Variants in TMEM181 observed in about 807,000 individuals in gnomAD.
The protein encoded by TMEM181 is G protein-coupled receptor 178.
TMEM181 carries 39 observed loss-of-function variants against 71.9 expected under a neutral mutation model. The ratio of observed to expected loss-of-function variants is 0.54; its 90% CI spans 0.42 to 0.71. The LOEUF is 0.71. Ranked by LOEUF, TMEM181 falls within the 30% of genes least tolerant of loss-of-function variation. The pLI is 0.00. For missense variants in TMEM181, 595 were observed against 583.0 expected, an observed-to-expected ratio of 1.02 and a Z score of -0.21; for synonymous variants, 245 against 228.8, an observed-to-expected ratio of 1.07 and a Z score of -0.64.
intron 1 of TMEM181, among the ~76,000 whole-genome samples, chr6:158,545,913 C>T (rs1238298475): frequency 6.6e-6 from 1 of 152,186 alleles, no homozygotes; most frequent in African/African-American, 2.4e-5. Flanking sequence ...TGGTGGAGTA[C>T]ATCCAGCAAA....
At chr6:158,579,748 AAGG>A in intron 2 of TMEM181, among the ~76,000 whole-genome samples, 1 of 152,262 alleles carries the variant, frequency 6.6e-6, no homozygotes. Flanking sequence ...AAACAAAAAT[AAGG>A]AAATTCATAC....
intron 15 of TMEM181, 138 bp from the exon 16 acceptor site, chr6:158,631,185 A>G: frequency 1.2e-6 from 1 of 852,266 alleles, no homozygotes; most frequent in Middle Eastern, 2.3e-4. Context: ...AGATGTGTTC[A>G]GGTTTATACA....
At position 158,625,097 on chromosome 6, in the gene TMEM181, C is replaced by A; in HGVS notation, c.955-7C>A. Reference sequence around the variant, plus strand: ...TCCGACTCAAGTGCTGCCTTGTGTCCTCCTAGGGAATGAAGGTCTTCTTCA... The same window carrying A: ...TCCGACTCAAGTGCTGCCTTGTGTCATCCTAGGGAATGAAGGTCTTCTTCA... On this transcript the variant is annotated splice_region_variant and splice_polypyrimidine_tract_variant and intron_variant, in intron 11 of 16. Coordinates refer to ENST00000684151, the MANE Select transcript of TMEM181 (RefSeq NM_001376852.1). The A allele has an allele frequency of 1.2e-6, 2 of 1,611,300 alleles. No individual in the cohort carries two copies. Among genetic ancestry groups the A allele is most frequent in the Non-Finnish European group, 8.5e-7 (1 of 1,177,398 alleles).
At chr6:158,592,894 T>G (rs1052142876) in intron 6 of TMEM181, among the ~76,000 whole-genome samples, 3 of 152,090 alleles carry the variant, frequency 2.0e-5, no homozygotes, top group Admixed American at 6.6e-5. Context: ...CACTCCAGCC[T>G]GGGTGACAGA....
chr6:158,595,645 G>A (rs187500625), intron 6 of TMEM181, among the ~76,000 whole-genome samples: 5 of 152,340 alleles, frequency 3.3e-5, no homozygotes, highest in Non-Finnish European at 5.9e-5. Flanking sequence ...AGGACTTTCT[G>A]AAGCATAATG....
chr6:158,629,913 G>C (rs1019751880), intron 15 of TMEM181, 94 bp downstream of exon 15: 6 of 1,043,104 alleles, frequency 5.8e-6, no homozygotes, highest in Non-Finnish European at 8.9e-6. Context: ...CCATTCATGT[G>C]GGCGCTGTGA....
At chr6:158,570,582 G>A (rs1325177311) in intron 1 of TMEM181, among the ~76,000 whole-genome samples, 1 of 152,022 alleles carries the variant, frequency 6.6e-6, no homozygotes, top group Non-Finnish European at 1.5e-5. Flanking sequence ...AAACAGGTCT[G>A]GAGTCAGTAT....
intron 10 of TMEM181, chr6:158,610,490 G>C: frequency 2.9e-6 from 1 of 342,530 alleles, no homozygotes; most frequent in East Asian, 5.0e-5. Flanking sequence ...ATGACAGTGG[G>C]TATCAGTGAA....
intron 6 of TMEM181, among the ~76,000 whole-genome samples, chr6:158,599,221 C>T (rs1194643862): frequency 1.3e-5 from 2 of 152,206 alleles, no homozygotes; most frequent in African/African-American, 4.8e-5. Context: ...GAATTGACAT[C>T]ACCTGTGCCT....
intron 6 of TMEM181, 118 bp from the exon 7 acceptor site, chr6:158,605,148 GT>G: frequency 3.5e-6 from 2 of 577,780 alleles, no homozygotes; most frequent in Non-Finnish European, 3.1e-6. Flanking sequence ...GTGTGTGTGT[GT>G]GTGTGTGTGT....
intron 11 of TMEM181, among the ~76,000 whole-genome samples, 177 bp from the exon 12 acceptor site, chr6:158,624,927 T>G (rs1786185422): frequency 6.6e-6 from 1 of 152,204 alleles, no homozygotes; most frequent in Non-Finnish European, 1.5e-5. Flanking sequence ...CTGCCTGTGC[T>G]CGCAGCGGGA....
At chr6:158,614,473 A>C (rs1234584402) in intron 10 of TMEM181, among the ~76,000 whole-genome samples, 1 of 95,510 alleles carries the variant, frequency 1.0e-5, no homozygotes, top group East Asian at 3.5e-4. Context: ...CTTATAGACA[A>C]TCCTATTTAA....
chr6:158,536,658 G>A (rs1184182283), exon 1 of TMEM181: 46 of 1,501,642 alleles, frequency 3.1e-5, no homozygotes, highest in Non-Finnish European at 4.1e-5. Context: ...GATCCCCAGT[G>A]CTGGGAGAAG....
upstream of TMEM181, among the ~76,000 whole-genome samples, chr6:158,559,078 C>T (rs572083116): frequency 2.8e-4 from 42 of 152,236 alleles, no homozygotes; most frequent in Middle Eastern, 6.8e-3. Flanking sequence ...GGTGTCCTGG[C>T]TTAGGGTGTG....
At chr6:158,630,823 C>T (rs1221097058) in intron 15 of TMEM181, among the ~76,000 whole-genome samples, 1 of 152,070 alleles carries the variant, frequency 6.6e-6, no homozygotes, top group Non-Finnish European at 1.5e-5. Flanking sequence ...CATAGGCAGC[C>T]CCCCGCACCC....
intron 10 of TMEM181, chr6:158,610,930 C>T (rs1396768141): frequency 7.3e-6 from 3 of 413,154 alleles, no homozygotes; most frequent in African/African-American, 2.1e-5. Context: ...TTCAGTGGGA[C>T]GGGTTCCTCC....
Position 158,585,355 on chromosome 6 carries a change from C to T in TMEM181, c.311C>T (p.Ala104Val), listed in dbSNP as rs1783708773. ...ATGACTGTTAAAGTCGATGGTGTAG[C>T]TCAAGATGGAACCACGATGTACATT... Reference protein sequence around the residue: ...FPMTVKVDGVAQDGTTMYIHN... With the variant: ...FPMTVKVDGVVQDGTTMYIHN... Residue 104 changes from alanine to valine, a missense_variant, in exon 5 of 17, where the codon GCT becomes GTT. Ala to Val is a moderately conservative substitution (Grantham distance 64). Transcript: ENST00000684151. The T allele has an allele frequency of 6.2e-7, 1 of 1,611,558 alleles. No homozygotes were observed. Among genetic ancestry groups the T allele is most frequent in the Admixed American group, 1.7e-5 (1 of 59,162 alleles).
intron 3 of TMEM181, among the ~76,000 whole-genome samples, chr6:158,581,881 CT>C (rs919749543): frequency 1.3e-5 from 2 of 151,398 alleles, no homozygotes; most frequent in African/African-American, 4.9e-5. Flanking sequence ...ACAACTAAAC[CT>C]TTTTTTGTGT....
chr6:158,556,940 T>C (rs1182362054), upstream of TMEM181, among the ~76,000 whole-genome samples: 1 of 152,132 alleles, frequency 6.6e-6, no homozygotes, highest in African/African-American at 2.4e-5. Context: ...TTTTTGTATT[T>C]TGTTGGCCAA....
Sources: gnomAD v4.1 joint callset for allele counts (sites outside exome capture counted in the v4.1 genomes callset) on GRCh38, gnomAD v4.1.1 for gene constraint, MANE v1.5 for transcripts, NCBI Gene and HGNC (gene_info 2026-07-23, HGNC 2026-07-21) for gene names.